Variants in FANCD2OS observed in about 807,000 individuals in gnomAD.
The protein encoded by FANCD2OS is FANCD2 opposite strand protein.
Under a neutral mutation model 13.2 loss-of-function variants are expected in FANCD2OS, and 11 were observed. The ratio of observed to expected loss-of-function variants is 0.83; its 90% confidence interval spans 0.52 to 1.38. The LOEUF (loss-of-function observed/expected upper bound fraction) is 1.38. FANCD2OS is among the 40% of genes most tolerant of loss of function. The pLI is 0.00. For synonymous variants in FANCD2OS, 69 were observed against 84.5 expected (o/e 0.82, Z 1.01); for missense variants, 217 against 213.9 (o/e 1.01, Z -0.09).
chr3:10,086,613 C>G (rs1005090807), intron 2 of FANCD2OS, among the ~76,000 whole-genome samples: 2 of 152,130 alleles, frequency 1.3e-5, no homozygotes, highest in African/African-American at 2.4e-5. Context: ...TCCCAAGACG[C>G]TGGGATTACA....
intron 2 of FANCD2OS, among the ~76,000 whole-genome samples, chr3:10,085,030 A>C (rs555417460): frequency 6.6e-6 from 1 of 152,240 alleles, no homozygotes; most frequent in Admixed American, 6.5e-5. Flanking sequence ...GGACAATATG[A>C]AAGGTAATCC....
chr3:10,105,564 A>G (rs1367615816), intron 1 of FANCD2OS, among the ~76,000 whole-genome samples: 1 of 151,508 alleles, frequency 6.6e-6, no homozygotes, highest in Non-Finnish European at 1.5e-5. Context: ...AGCCTGGCCA[A>G]CATGGTGAAA....
At chr3:10,108,421 C>T (rs1263885841), upstream of FANCD2OS, among the ~76,000 whole-genome samples, 2 of 152,212 alleles carry the variant, frequency 1.3e-5, no homozygotes, top group African/African-American at 4.8e-5. Context: ...ATTGGAATGC[C>T]TTGTCCAGGA....
chr3:10,086,268 C>T (rs1694194558), intron 2 of FANCD2OS, among the ~76,000 whole-genome samples: 2 of 152,218 alleles, frequency 1.3e-5, no homozygotes, highest in Admixed American at 6.5e-5. Flanking sequence ...CTAGTTATCA[C>T]TGATAGCCTG....
At chr3:10,087,010 A>C in intron 2 of FANCD2OS, 2 of 1,055,632 alleles carry the variant, frequency 1.9e-6, no homozygotes, top group Non-Finnish European at 2.9e-6. Context: ...GCACCTGAAA[A>C]TAAGGAGGAT....
chr3:10,090,273 T>G, intron 2 of FANCD2OS: 1 of 1,594,790 alleles, frequency 6.3e-7, no homozygotes, highest in Non-Finnish European at 8.6e-7. Context: ...TGGGCACGCA[T>G]GCTTTTCCCG....
chr3:10,107,633 G>A lies in FANCD2OS; in HGVS notation c.-9+382C>T, dbSNP rs115402009. On this transcript the variant is annotated intron_variant, in intron 1 of 1. Coordinates refer to ENST00000450660, the MANE Select transcript of FANCD2OS (RefSeq NM_001164839.2). ...CATCTTCTAAGAGGAAGTAGAGGTA[G>A]AAGTAAAAGTCTTTGTCAAATGTCC... Among the ~76,000 whole-genome samples, 1,275 of 151,826 alleles carry A rather than the reference G, an allele frequency of 8.4e-3. 21 individuals are homozygous for A. The highest frequency in any genetic ancestry group is 0.029 in the African/African-American group (1,197 of 41,462).
downstream of FANCD2OS, among the ~76,000 whole-genome samples, chr3:10,103,690 C>CT (rs1320695095): frequency 6.6e-6 from 1 of 152,224 alleles, no homozygotes; most frequent in African/African-American, 2.4e-5. Context: ...CTACCAAGTT[C>CT]TTTCTTGCCA....
downstream of FANCD2OS, chr3:10,101,140 C>A (rs775919604): frequency 2.2e-6 from 3 of 1,390,248 alleles, no homozygotes; most frequent in Non-Finnish European, 2.0e-6. Context: ...CAGAGGTCAC[C>A]CAGAGCAGTA....
At chr3:10,090,314 C>G (rs771078251) in intron 2 of FANCD2OS, 2 of 1,613,442 alleles carry the variant, frequency 1.2e-6, no homozygotes, top group Non-Finnish European at 1.7e-6. Context: ...TGTTTTCTTC[C>G]GTGTGATGAT....
In FANCD2OS at chr3:10,090,790, A is replaced by G. The variant is rs902450027; in HGVS notation, c.*44-9259T>C. Among the ~76,000 whole-genome samples, 9 of 151,974 alleles carry G rather than the reference A, an allele frequency of 5.9e-5. No individual in the cohort carries two copies. The South Asian group carries it at 1.0e-3, about 18-fold the overall frequency. On this transcript the variant is annotated intron_variant, in intron 2 of 2. Transcript: ENST00000524279. Reference sequence around the variant, plus strand: ...CTGATTCTTCTATGTCTTGGGTCCAAGTTTTCTCCTAAGCTGTTTTTTGTT... The same window carrying G: ...CTGATTCTTCTATGTCTTGGGTCCAGGTTTTCTCCTAAGCTGTTTTTTGTT...
chr3:10,089,049 G>A, intron 2 of FANCD2OS: 1 of 1,319,084 alleles, frequency 7.6e-7, no homozygotes, highest in Admixed American at 1.7e-5. Context: ...TTGGGAGGCT[G>A]AGGCAGGAGG....
intron 2 of FANCD2OS, chr3:10,083,686 A>C (rs1693987005): frequency 6.6e-6 from 1 of 152,180 alleles, no homozygotes; most frequent in Non-Finnish European, 1.5e-5. Flanking sequence ...CAGGAGATCG[A>C]GACCGTCCTG....
rs947151309 is a variant in FANCD2OS, at chr3:10,092,382, C to T, written c.*44-10851G>A. ...GGGCCTGCTCTCCCTGAGTCGTCTT[C>T]TTCCTTTGTCCCCCTACCCATCCTG... On this transcript the variant is annotated intron_variant, in intron 2 of 2. Transcript: ENST00000524279. 3.8e-6 allele frequency: 3 copies of T among 784,124 alleles called. No individual in the cohort carries two copies. In the African/African-American group the frequency reaches 5.1e-5, roughly 13 times the overall value. The allele number at this position is 784,124 out of a possible 1,614,324, so 48.6% of individuals were successfully genotyped here. A position where few individuals can be genotyped will look rare whatever the true frequency, so the allele number is the denominator to read the frequency against.
intron 2 of FANCD2OS, chr3:10,090,292 G>A: frequency 6.2e-7 from 1 of 1,612,022 alleles, no homozygotes; most frequent in Non-Finnish European, 8.5e-7. Flanking sequence ...CGTCTTCTAG[G>A]CATACTTTTG....
At chr3:10,089,093 T>C (rs1486379840) in intron 2 of FANCD2OS, 9 of 912,312 alleles carry the variant, frequency 9.9e-6, no homozygotes, top group Non-Finnish European at 1.6e-5. Context: ...GAGACCCACT[T>C]GGCCAACATA....
At position 10,081,518 on chromosome 3, in the gene FANCD2OS, C is replaced by A. The variant is rs1693834365; in HGVS notation, c.*57G>T. On this transcript the variant is annotated 3_prime_UTR_variant, in exon 3 of 3. Coordinates refer to the FANCD2OS transcript ENST00000524279. ...TGAGTATATACTTGCTTTTATTTGA[C>A]AGTCACCAAGGCACTGAAATGTAGA... 4 of 1,195,768 alleles carry A rather than the reference C, an allele frequency of 3.3e-6. No individual in the cohort carries two copies. The South Asian group carries it at 4.8e-5, about 14-fold the overall frequency. 74.1% of individuals were successfully genotyped at this position (1,195,768 alleles called of 1,614,324 possible).
At position 10,104,375 on chromosome 3, in the gene FANCD2OS, G is replaced by T; in HGVS notation, c.400C>A (p.His134Asn). The T allele has an allele frequency of 6.2e-7, 1 of 1,614,200 alleles. No individual in the cohort carries two copies. Among genetic ancestry groups the T allele is most frequent in the East Asian group, 2.2e-5 (1 of 44,890 alleles). The change falls in exon 2 of 2, where the codon CAC becomes AAC. Residue 134 changes from histidine (H) to asparagine (N), a missense_variant. Physicochemically the swap from His to Asn is moderately conservative, Grantham distance 68. Transcript: ENST00000450660. ...TCCTTCAGTCCAATGGGCCACTGGT[G>T]CTCCCTGCTAATGATTTTGCAAAAG... ...SAFCKIISRE[H>N]QWPIGLKEPQ... is the part of the protein sequence containing the mutation.
chr3:10,087,730 C>A (rs1190734233), intron 2 of FANCD2OS, among the ~76,000 whole-genome samples: 1 of 151,888 alleles, frequency 6.6e-6, no homozygotes, highest in Non-Finnish European at 1.5e-5. Context: ...TCACTGCAAT[C>A]CTCTACCTCC....
Sources: gnomAD v4.1 joint callset for allele counts (sites outside exome capture counted in the v4.1 genomes callset) on GRCh38, gnomAD v4.1.1 for gene constraint, MANE v1.5 for transcripts, NCBI Gene and HGNC (gene_info 2026-07-23, HGNC 2026-07-21) for gene names.